The following OCIAD1 variants were observed in gnomAD, a reference collection of about 807,000 sequenced individuals.
OCIAD1 encodes OCIA domain-containing protein 1.
In OCIAD1, 29 loss-of-function variants were observed where a neutral mutation model predicts 38.9. The observed-to-expected ratio is 0.74, with a 90% CI of 0.55 to 1.02. OCIAD1 has a LOEUF of 1.02. Ranked by LOEUF, OCIAD1 falls within the 50% of genes least tolerant of loss-of-function variation. The pLI, the probability that OCIAD1 is intolerant of heterozygous loss-of-function variation, is 0.00. For synonymous variants in OCIAD1, 110 were observed against 92.0 expected (o/e 1.20, Z -1.12); for missense variants, 288 against 289.6 (o/e 0.99, Z 0.04).
At chr4:48,835,634 C>A (rs544678916) in intron 3 of OCIAD1, among the ~76,000 whole-genome samples, 6 of 152,078 alleles carry the variant, frequency 3.9e-5, no homozygotes, top group African/African-American at 1.4e-4. Context: ...TAGGTTTTGC[C>A]ATGTTGCCCA....
intron 5 of OCIAD1, 179 bp downstream of exon 5, chr4:48,848,625 AATC>A (rs1779165454): frequency 4.9e-6 from 2 of 404,160 alleles, no homozygotes; most frequent in Admixed American, 4.4e-5. Flanking sequence ...TAGCATAAAA[AATC>A]ATCAGTTGAA....
chr4:48,846,442 G>T (rs1164092182), intron 4 of OCIAD1, among the ~76,000 whole-genome samples: 1 of 152,222 alleles, frequency 6.6e-6, no homozygotes, highest in Non-Finnish European at 1.5e-5. Flanking sequence ...ACTTTGGCAA[G>T]CTGGTTTTTA....
intron 7 of OCIAD1, 104 bp downstream of exon 7, chr4:48,852,079 A>G (rs961023376): frequency 2.5e-6 from 2 of 791,052 alleles, no homozygotes; most frequent in Non-Finnish European, 4.0e-6. Flanking sequence ...GTGTTCTACC[A>G]TCAATCATCA....
At chr4:48,819,107 C>T (rs1777167081) in intron 1 of OCIAD1, among the ~76,000 whole-genome samples, 2 of 151,938 alleles carry the variant, frequency 1.3e-5, no homozygotes, top group Non-Finnish European at 2.9e-5. Flanking sequence ...AGAGAAACCC[C>T]GAGACACATA....
Position 48,833,423 on chromosome 4 carries a change from A to G in OCIAD1, c.81A>G (p.Pro27=). The change falls in exon 3 of 9, where the codon CCA becomes CCG. Residue 27 remains proline (P), a synonymous_variant. Transcript: ENST00000264312. ...PIPHIGPDYI[P]TEEERRVFAE... The stretch of plus-strand genomic sequence containing the variant: ...AAGACATAGGGCCTGATTACATTCC[A>G]ACAGAGGAAGAAAGGAGAGTCTTCG... 1 of 1,604,786 alleles carries G rather than the reference A, an allele frequency of 6.2e-7. No individual in the cohort carries two copies. Among genetic ancestry groups the G allele is most frequent in the Non-Finnish European group, 8.5e-7 (1 of 1,172,206 alleles).
intron 4 of OCIAD1, among the ~76,000 whole-genome samples, chr4:48,847,971 C>G (rs1385870623): frequency 6.6e-6 from 1 of 151,228 alleles, no homozygotes; most frequent in African/African-American, 2.4e-5. Context: ...TTGGGTCTTT[C>G]AATTCTCAGT....
At chr4:48,821,990 A>G (rs531655502) in intron 1 of OCIAD1, among the ~76,000 whole-genome samples, 35 of 152,244 alleles carry the variant, frequency 2.3e-4, no homozygotes, top group Non-Finnish European at 4.4e-4. Flanking sequence ...TATAGATTCA[A>G]TGCTATTCCC....
intron 4 of OCIAD1, among the ~76,000 whole-genome samples, chr4:48,847,364 T>C (rs1192566461): frequency 1.3e-5 from 2 of 152,210 alleles, no homozygotes; most frequent in African/African-American, 2.4e-5. Flanking sequence ...CAGATATAGA[T>C]ATGGTGATTA....
intron 3 of OCIAD1, among the ~76,000 whole-genome samples, chr4:48,835,082 CG>C (rs1777864125): frequency 2.0e-5 from 3 of 152,024 alleles, no homozygotes; most frequent in Non-Finnish European, 2.9e-5. Flanking sequence ...TACAGGCGTG[CG>C]CCACCATGCC....
intron 1 of OCIAD1, among the ~76,000 whole-genome samples, chr4:48,818,207 G>A (rs1012001114): frequency 4.6e-5 from 7 of 152,186 alleles, no homozygotes; most frequent in Non-Finnish European, 7.3e-5. Flanking sequence ...CCTCTGGGAC[G>A]AAACTTCCAG....
chr4:48,833,503 A>T, intron 3 of OCIAD1, 22 bp downstream of exon 3: 1 of 1,417,586 alleles, frequency 7.1e-7, no homozygotes. Context: ...TTTCTAATTA[A>T]TATAATTTGA....
Position 48,860,832 on chromosome 4 carries a change from T to C in OCIAD1, c.*70T>C, listed in dbSNP as rs192296603. 1.4e-5 allele frequency: 15 copies of C among 1,084,100 alleles called. No individual in the cohort carries two copies. In the Admixed American group the frequency reaches 2.7e-4, roughly 20 times the overall value. 67.2% of individuals were successfully genotyped at this position (1,084,100 alleles called of 1,614,324 possible). A position where few individuals can be genotyped will look rare whatever the true frequency, so the allele number is the denominator to read the frequency against. On this transcript the variant is annotated 3_prime_UTR_variant, in exon 9 of 9. Coordinates refer to ENST00000264312, the MANE Select transcript of OCIAD1 (RefSeq NM_017830.4). ...ATCTAGGTGGTCATGATTACCTGCA[T>C]GCTTTGAGCTCAGCAGCAGTCTTCA...
At chr4:48,852,882 G>GTTTTTTTGTTTTTTTTTTTTTTTTTTTT (rs1779635252) in intron 7 of OCIAD1, among the ~76,000 whole-genome samples, 2 of 126,338 alleles carry the variant, frequency 1.6e-5, no homozygotes, top group African/African-American at 6.3e-5. Flanking sequence ...TTTGTTTTTT[G>GTTTTTTTGTTTTTTTTTTTTTTTTTTTT]TTTTTTTTTT....
rs1345372783 is a variant in OCIAD1, at chr4:48,850,100, C to A, written c.377+18C>A. The A allele has an allele frequency of 6.2e-7, 1 of 1,605,114 alleles. No individual in the cohort carries two copies. The highest frequency in any genetic ancestry group is 1.7e-5 in the Admixed American group (1 of 57,596). On this transcript the variant is annotated intron_variant, in intron 6 of 8. Transcript: ENST00000264312. ...CCACCTGGGTAGGCCAGATTCTGATCTTTACTTAAGATTTTTAATTTTTAA... is the reference window on the plus strand; with the variant it reads ...CCACCTGGGTAGGCCAGATTCTGATATTTACTTAAGATTTTTAATTTTTAA...
chr4:48,857,627 C>T (rs1218834178), intron 8 of OCIAD1, among the ~76,000 whole-genome samples: 2 of 151,964 alleles, frequency 1.3e-5, no homozygotes, highest in Admixed American at 6.6e-5. Context: ...TCAAGCAATC[C>T]TCCTGCCTCA....
At chr4:48,810,652 G>A (rs954873946) in intron 1 of OCIAD1, among the ~76,000 whole-genome samples, 3 of 151,860 alleles carry the variant, frequency 2.0e-5, no homozygotes, top group African/African-American at 7.3e-5. Context: ...TGAGCGTCAG[G>A]CACTGTTCTA....
At chr4:48,847,075 T>G (rs1164961057) in intron 4 of OCIAD1, among the ~76,000 whole-genome samples, 1 of 152,262 alleles carries the variant, frequency 6.6e-6, no homozygotes, top group Non-Finnish European at 1.5e-5. Flanking sequence ...TAGACCAATG[T>G]ATACTCCTAC....
intron 1 of OCIAD1, among the ~76,000 whole-genome samples, chr4:48,823,356 C>T (rs1363069208): frequency 2.7e-5 from 4 of 150,926 alleles, no homozygotes; most frequent in Non-Finnish European, 5.9e-5. Context: ...CACATGGACA[C>T]AGGGAGGGGA....
At chr4:48,811,043 G>A (rs1009051606) in intron 1 of OCIAD1, among the ~76,000 whole-genome samples, 1 of 151,866 alleles carries the variant, frequency 6.6e-6, no homozygotes, top group African/African-American at 2.4e-5. Context: ...TTTTAATAGA[G>A]ACAGAGTTTT....
Sources: allele counts gnomAD v4.1 joint callset (sites outside exome capture counted in the v4.1 genomes callset), GRCh38; gene constraint gnomAD v4.1.1; transcripts MANE v1.5; gene names NCBI Gene and HGNC (gene_info 2026-07-23, HGNC 2026-07-21).